The following TRPM8 variants were observed in gnomAD, a reference collection of about 807,000 sequenced individuals.
TRPM8 encodes transient receptor potential cation channel subfamily M member 8.
TRPM8 carries 110 observed loss-of-function variants against 133.7 expected under a neutral mutation model. The observed-to-expected ratio is 0.82, with a 90% CI of 0.70 to 0.96. The LOEUF is 0.96. Among genes scored for constraint, TRPM8 ranks in the 40% least tolerant of loss-of-function variants. The pLI is 0.00. For missense variants in TRPM8, 1,291 were observed against 1,379.5 expected, an observed-to-expected ratio of 0.94 and a Z score of 1.02; for synonymous variants, 535 against 532.3, an observed-to-expected ratio of 1.01 and a Z score of -0.07.
chr2:233,938,136 G>A (rs1690806578), intron 4 of TRPM8, among the ~76,000 whole-genome samples: 1 of 152,156 alleles, frequency 6.6e-6, no homozygotes, highest in South Asian at 2.1e-4. Flanking sequence ...GAATGGGCCG[G>A]CACACTCTCT....
intron 6 of TRPM8, among the ~76,000 whole-genome samples, chr2:233,945,412 G>A (rs1001297601): frequency 2.0e-5 from 3 of 152,080 alleles, no homozygotes; most frequent in South Asian, 4.2e-4. Flanking sequence ...CATGGGTCAC[G>A]GCATATGATA....
At chr2:233,955,869 A>G (rs1464342930) in intron 11 of TRPM8, among the ~76,000 whole-genome samples, 1 of 152,154 alleles carries the variant, frequency 6.6e-6, no homozygotes, top group African/African-American at 2.4e-5. Context: ...TTACCGCCTG[A>G]GCTCCGCCTT....
At chr2:233,964,791 C>A in intron 14 of TRPM8, 34 bp downstream of exon 14, 1 of 1,571,146 alleles carries the variant, frequency 6.4e-7, no homozygotes. Context: ...GTGGTGGGCG[C>A]GGATCTGCCA....
chr2:233,958,691 G>T (rs1218023403), intron 11 of TRPM8, among the ~76,000 whole-genome samples: 1 of 152,214 alleles, frequency 6.6e-6, no homozygotes, highest in African/African-American at 2.4e-5. Context: ...CTTTCCAGAG[G>T]TAGCCCCCTC....
chr2:233,927,795 CTTT>C (rs1217777404), intron 2 of TRPM8, among the ~76,000 whole-genome samples: 1 of 44,668 alleles, frequency 2.2e-5, no homozygotes, highest in Non-Finnish European at 3.4e-5. Context: ...TCTTTCTTTT[CTTT>C]CCTTCCTTCC....
chr2:233,982,999 A>T, intron 19 of TRPM8, 54 bp from the exon 20 acceptor site: 2 of 1,572,360 alleles, frequency 1.3e-6, no homozygotes, highest in Non-Finnish European at 1.7e-6. Context: ...GGCCGGGGGG[A>T]CTTGCCAACT....
Position 233,942,680 on chromosome 2 carries a change from G to GT in TRPM8, c.631_632insT (p.Ala211ValfsTer23). The GT allele has an allele frequency of 6.2e-7, 1 of 1,614,212 alleles. No individual in the cohort carries two copies. Among genetic ancestry groups the GT allele is most frequent in the Non-Finnish European group, 8.5e-7 (1 of 1,180,048 alleles). On this transcript the variant is annotated frameshift_variant, in exon 6 of 26. Transcript: ENST00000324695. LOFTEE classifies it high-confidence loss of function. Reference sequence around the variant, plus strand: ...CAGGAGTTCAGAGGAGAATATTGTGGCCATTGGCATAGCAGCTTGGGGCAT... The same window carrying GT: ...CAGGAGTTCAGAGGAGAATATTGTGGTCCATTGGCATAGCAGCTTGGGGCAT...
intron 21 of TRPM8, among the ~76,000 whole-genome samples, chr2:233,987,857 G>A (rs1030108247): frequency 3.9e-5 from 6 of 151,976 alleles, no homozygotes; most frequent in Admixed American, 6.6e-5. Flanking sequence ...CTTTTACTTG[G>A]CTCTCATTCT....
At chr2:233,964,803 GT>G (rs762027435) in intron 14 of TRPM8, 46 bp downstream of exon 14, 13 of 1,555,146 alleles carry the variant, frequency 8.4e-6, no homozygotes, top group African/African-American at 1.4e-5. Context: ...GATCTGCCAT[GT>G]GGCACAGACA....
intron 22 of TRPM8, among the ~76,000 whole-genome samples, chr2:234,001,300 T>C (rs1020202296): frequency 3.3e-5 from 5 of 152,202 alleles, no homozygotes; most frequent in Admixed American, 3.3e-4. Flanking sequence ...TGTGTGGTTT[T>C]TCTTCAATTC....
chr2:233,960,323 T>C (rs1428065763), intron 11 of TRPM8, among the ~76,000 whole-genome samples: 3 of 152,156 alleles, frequency 2.0e-5, no homozygotes, highest in Non-Finnish European at 4.4e-5. Context: ...CAGTGCAGCG[T>C]AGAGACAGCA....
chr2:233,925,140 G>T (rs561079750), intron 1 of TRPM8, among the ~76,000 whole-genome samples: 1 of 152,260 alleles, frequency 6.6e-6, no homozygotes, highest in African/African-American at 2.4e-5. Flanking sequence ...TTCTGCATTC[G>T]GGAGTTATAA....
At chr2:233,988,166 G>T (rs1455318827) in intron 21 of TRPM8, among the ~76,000 whole-genome samples, 2 of 152,034 alleles carry the variant, frequency 1.3e-5, no homozygotes, top group African/African-American at 4.8e-5. Flanking sequence ...CCCCCGGCAG[G>T]CCTCCCATAT....
At chr2:233,973,227 C>T (rs1321943365) in intron 17 of TRPM8, among the ~76,000 whole-genome samples, 3 of 152,218 alleles carry the variant, frequency 2.0e-5, no homozygotes, top group African/African-American at 4.8e-5. Context: ...CGGTATTAGT[C>T]TGTAGGGCTG....
intron 3 of TRPM8, chr2:233,933,851 T>C (rs1354981740): frequency 6.0e-6 from 1 of 167,160 alleles, no homozygotes; most frequent in Non-Finnish European, 1.5e-5. Flanking sequence ...GCTCAGGAAG[T>C]GCCCTAACAC....
At chr2:233,971,695 T>A (rs1691724155) in intron 17 of TRPM8, among the ~76,000 whole-genome samples, 1 of 151,990 alleles carries the variant, frequency 6.6e-6, no homozygotes, top group African/African-American at 2.4e-5. Context: ...TTCCTTCTGG[T>A]GGGTTCGTGG....
Position 233,980,294 on chromosome 2 carries a change from C to T in TRPM8, c.2447+15C>T. The T allele has an allele frequency of 1.3e-6, 2 of 1,551,908 alleles. No homozygotes were observed. Among genetic ancestry groups the T allele is most frequent in the Non-Finnish European group, 1.7e-6 (2 of 1,144,082 alleles). On this transcript the variant is annotated intron_variant, in intron 18 of 25. Transcript: ENST00000324695. ...ATTGTATTTCGGTAAGTAGTCTCAT[C>T]ACTTTTCCTAATTTTCTGTGTTTTG...
chr2:233,996,731 C>T (rs4663999), intron 22 of TRPM8, among the ~76,000 whole-genome samples: 76,170 of 151,986 alleles, frequency 0.5, 19,397 homozygotes, highest in East Asian at 0.66. Context: ...ATAGCCTGCT[C>T]TGTGGGGAAT....
At chr2:233,947,391 C>T (rs1436466577) in intron 8 of TRPM8, 2 of 1,509,230 alleles carry the variant, frequency 1.3e-6, no homozygotes, top group Admixed American at 2.0e-5. Flanking sequence ...TTGGCCTTGA[C>T]AGTCAACCTG....
Sources: gnomAD v4.1 joint callset for allele counts (sites outside exome capture counted in the v4.1 genomes callset) on GRCh38, gnomAD v4.1.1 for gene constraint, MANE v1.5 for transcripts, NCBI Gene and HGNC (gene_info 2026-07-23, HGNC 2026-07-21) for gene names.